ANKRD27: variants seen among roughly 807,000 people sequenced by gnomAD.
The protein encoded by ANKRD27 is ankyrin repeat domain-containing protein 27.
A neutral mutation model predicts 129.7 loss-of-function variants in ANKRD27; 112 were observed. That is an observed-to-expected ratio of 0.86 (90% confidence interval 0.74 to 1.01). The LOEUF (loss-of-function observed/expected upper bound fraction) is 1.01. ANKRD27 is among the 50% of genes least tolerant of loss of function. The probability of loss-of-function intolerance (pLI) is 0.00; values close to 1 mark genes in which losing one functional copy is unlikely to be tolerated. For missense variants in ANKRD27, 1,258 were observed against 1,300.5 expected (o/e 0.97, Z 0.50); for synonymous variants, 516 against 511.2 (o/e 1.01, Z -0.13).
intron 22 of ANKRD27, 54 bp from the exon 23 acceptor site, chr19:32,607,886 G>A: frequency 6.5e-7 from 1 of 1,538,122 alleles, no homozygotes; most frequent in South Asian, 1.2e-5. Context: ...AAGAAACTGG[G>A]CTGGAGTGAT....
At chr19:32,661,728 A>G (rs1967650034) in intron 1 of ANKRD27, among the ~76,000 whole-genome samples, 1 of 152,174 alleles carries the variant, frequency 6.6e-6, no homozygotes, top group African/African-American at 2.4e-5. Context: ...AAGTCCATAC[A>G]TACTCAAATC....
At chr19:32,641,907 A>C in intron 10 of ANKRD27, 117 bp downstream of exon 10, 1 of 1,268,982 alleles carries the variant, frequency 7.9e-7, no homozygotes, top group Non-Finnish European at 1.1e-6. Context: ...CACTGGGGTT[A>C]CAGAGGTGAG....
chr19:32,599,931 A>C (rs749189618), intron 27 of ANKRD27, 41 bp downstream of exon 27: 4 of 1,570,386 alleles, frequency 2.5e-6, no homozygotes, highest in Admixed American at 1.7e-5. Context: ...GGAGTAAACT[A>C]GGGGCAAAAG....
chr19:32,627,124 G>A (rs1471404152), intron 15 of ANKRD27, among the ~76,000 whole-genome samples: 1 of 152,102 alleles, frequency 6.6e-6, no homozygotes, highest in Non-Finnish European at 1.5e-5. Context: ...ATAAGATGGA[G>A]TATTATGCAG....
chr19:32,652,470 G>C lies in ANKRD27; in HGVS notation c.103-2678C>G, dbSNP rs920047496. ...TAGCCAGGCGCGGTGGCAACCGCTT[G>C]TAATCCCAGTTATTCAGGTGGCTGA... is the stretch of plus-strand genomic sequence containing the variant. On this transcript the variant is annotated intron_variant, in intron 2 of 28. Transcript: ENST00000306065. Among the ~76,000 whole-genome samples, 3 of 152,092 alleles carry C rather than the reference G, an allele frequency of 2.0e-5. No individual in the cohort carries two copies. In the East Asian group the frequency reaches 5.8e-4, roughly 29 times the overall value.
chr19:32,660,600 A>G (rs901562988), intron 1 of ANKRD27, among the ~76,000 whole-genome samples: 1 of 152,178 alleles, frequency 6.6e-6, no homozygotes, highest in Admixed American at 6.6e-5. Context: ...ACAGCTGTTT[A>G]TGAAGCAGGC....
rs1971975043 is a variant in ANKRD27 at position 32,619,487 on chromosome 19, G to C, written c.1887+7C>G. ...GTAACCTGACCTGCTCAGCCCGGCT[G>C]ACTTACCTCGGACGACTTCTGCCTC... On this transcript the variant is annotated splice_region_variant and intron_variant, in intron 19 of 28. Coordinates refer to ENST00000306065, the MANE Select transcript of ANKRD27 (RefSeq NM_032139.3). The C allele has an allele frequency of 6.2e-7, 1 of 1,614,078 alleles. No homozygotes were observed. Among genetic ancestry groups the C allele is most frequent in the Non-Finnish European group, 8.5e-7 (1 of 1,180,022 alleles).
At chr19:32,672,298 G>A (rs532441132) in intron 1 of ANKRD27, among the ~76,000 whole-genome samples, 28 of 152,332 alleles carry the variant, frequency 1.8e-4, no homozygotes, top group Admixed American at 3.9e-4. Context: ...AAGCAATGTG[G>A]TGATGTATGT....
chr19:32,629,996 G>A (rs936490338), intron 13 of ANKRD27, among the ~76,000 whole-genome samples: 11 of 151,732 alleles, frequency 7.2e-5, no homozygotes, highest in Non-Finnish European at 1.3e-4. Context: ...TCAACCTCTC[G>A]GGCTCAAGTG....
chr19:32,600,569 T>C (rs4366823), intron 26 of ANKRD27, among the ~76,000 whole-genome samples: 6 of 152,096 alleles, frequency 3.9e-5, no homozygotes, highest in Non-Finnish European at 5.9e-5. Flanking sequence ...CCGAGACATT[T>C]TGAACTCTTT....
chr19:32,610,600 T>C (rs912613923), intron 22 of ANKRD27, among the ~76,000 whole-genome samples: 3 of 151,550 alleles, frequency 2.0e-5, no homozygotes, highest in African/African-American at 7.3e-5. Flanking sequence ...GAGACCAGCA[T>C]GGCCAATATG....
In ANKRD27 at chr19:32,659,005, T is replaced by A. The variant is rs1432118216; in HGVS notation, c.11A>T (p.Tyr4Phe). The A allele has an allele frequency of 1.9e-6, 3 of 1,613,496 alleles. No individual in the cohort carries two copies. Among genetic ancestry groups the A allele is most frequent in the South Asian group, 1.1e-5 (1 of 91,078 alleles). The change falls in exon 2 of 29, where the codon TAT (tyrosine) becomes TTT (phenylalanine). Residue 4 changes from tyrosine (Y) to phenylalanine (F), a missense_variant. Tyr to Phe is a conservative substitution (Grantham distance 22). Coordinates refer to ENST00000306065, the MANE Select transcript of ANKRD27 (RefSeq NM_032139.3). ...AGGATTTTTCAGGAGGTCTTCATCA[T>A]ACAGAGCCATATGGACTTCAGATGG... The part of the protein sequence containing the change: MAL[Y>F]DEDLLKNPFY...
Position 32,621,504 on chromosome 19 carries a change from T to C in ANKRD27, c.1827+918A>G, listed in dbSNP as rs570413580. Among the ~76,000 whole-genome samples the C allele has an allele frequency of 3.3e-5, 5 of 152,158 alleles. No individual in the cohort carries two copies. The South Asian group carries it at 6.2e-4, about 19-fold the overall frequency. ...TTAACCAGGTGTGGTGGTGGGCACC[T>C]GTAATCCCAGCTGCTAGGGAGGCTG... is the stretch of plus-strand genomic sequence containing the variant. On this transcript the variant is annotated intron_variant, in intron 18 of 28. Transcript: ENST00000306065.
intron 2 of ANKRD27, among the ~76,000 whole-genome samples, chr19:32,656,377 C>T (rs1171176349): frequency 6.6e-6 from 1 of 152,222 alleles, no homozygotes; most frequent in Non-Finnish European, 1.5e-5. Context: ...CTGATCCATG[C>T]CCACCTTGCG....
intron 17 of ANKRD27, among the ~76,000 whole-genome samples, chr19:32,623,342 G>T (rs1166317370): frequency 1.3e-5 from 2 of 152,264 alleles, no homozygotes; most frequent in East Asian, 1.9e-4. Context: ...ATACAATGTG[G>T]TTTATGCTGA....
intron 3 of ANKRD27, among the ~76,000 whole-genome samples, chr19:32,647,284 C>T (rs774135543): frequency 1.3e-4 from 20 of 152,180 alleles, no homozygotes; most frequent in African/African-American, 3.6e-4. Flanking sequence ...AATTAGATTA[C>T]GGTTTTACAG....
rs1264753736 is a variant in ANKRD27 at position 32,656,099 on chromosome 19, G to GA, written c.102+2814dup. Among the ~76,000 whole-genome samples, 2,489 of 123,212 alleles carry GA rather than the reference G, an allele frequency of 0.02. 126 individuals carry two copies. In the East Asian group the frequency reaches 0.23, roughly 11 times the overall value. 80.8% of individuals were successfully genotyped at this position (123,212 alleles called of 152,430 possible). ...AGAAAGAAAGAAAGAAAGAAAGAAA[G>GA]AAAGAAAGAAAAGAAAAGAAAAGAA... On this transcript the variant is annotated intron_variant, in intron 2 of 28. Coordinates refer to ENST00000306065, the MANE Select transcript of ANKRD27 (RefSeq NM_032139.3).
At chr19:32,605,478 T>C (rs1254288753) in intron 24 of ANKRD27, among the ~76,000 whole-genome samples, 1 of 152,234 alleles carries the variant, frequency 6.6e-6, no homozygotes, top group Non-Finnish European at 1.5e-5. Context: ...TCCCTACTTC[T>C]TTAAGAAATT....
At chr19:32,661,926 G>A (rs1354772170) in intron 1 of ANKRD27, among the ~76,000 whole-genome samples, 1 of 152,222 alleles carries the variant, frequency 6.6e-6, no homozygotes, top group Middle Eastern at 3.4e-3. Context: ...TTGCTTTTAA[G>A]GTCAGTGCTT....
Sources: allele counts gnomAD v4.1 joint callset (sites outside exome capture counted in the v4.1 genomes callset), GRCh38; gene constraint gnomAD v4.1.1; transcripts MANE v1.5; gene names NCBI Gene and HGNC (gene_info 2026-07-23, HGNC 2026-07-21).